ROBO1: variants seen among roughly 807,000 people sequenced by gnomAD.
The protein encoded by ROBO1 is roundabout homolog 1.
A neutral mutation model predicts 195.9 loss-of-function variants in ROBO1; 149 were observed. That is an observed-to-expected ratio of 0.76 (90% confidence interval 0.67 to 0.87). The LOEUF (loss-of-function observed/expected upper bound fraction) is 0.87, where lower values mean the gene tolerates loss of function less well. Among genes scored for constraint, ROBO1 ranks in the 40% least tolerant of loss-of-function variants. The pLI, the probability that ROBO1 is intolerant of heterozygous loss-of-function variation, is 0.00. For synonymous variants in ROBO1, 816 were observed against 733.2 expected, an observed-to-expected ratio of 1.11 and a Z score of -1.82; for missense variants, 1,933 against 2,068.3, an observed-to-expected ratio of 0.93 and a Z score of 1.27.
chr3:79,530,858 G>T lies in ROBO1; in HGVS notation c.88+58966C>A, dbSNP rs375362154. Among the ~76,000 whole-genome samples, 12 of 149,724 alleles carry T rather than the reference G, an allele frequency of 8.0e-5. No homozygotes were observed. In the East Asian group the frequency reaches 2.2e-3, roughly 27 times the overall value. On this transcript the variant is annotated intron_variant, in intron 2 of 30. Transcript: ENST00000464233. Reference sequence around the variant, plus strand: ...GAATAAAGATGGAAGTCCCTTAAATGACTTACTTATAAGACCCTGCATGAT... The same window carrying T: ...GAATAAAGATGGAAGTCCCTTAAATTACTTACTTATAAGACCCTGCATGAT...
chr3:79,735,266 G>A (rs6548651), intron 1 of ROBO1, among the ~76,000 whole-genome samples: 134,019 of 152,244 alleles, frequency 0.88, 59,066 homozygotes, highest in Middle Eastern at 0.93. Context: ...AGAGGGCAAT[G>A]ACTTCAGTAG....
intron 2 of ROBO1, among the ~76,000 whole-genome samples, chr3:79,329,148 A>G (rs1334169589): frequency 6.6e-6 from 1 of 152,104 alleles, no homozygotes; most frequent in Non-Finnish European, 1.5e-5. Context: ...GTCAAAAGCT[A>G]TTTTCTCATT....
chr3:78,681,807 C>A (rs2080919172), intron 10 of ROBO1, among the ~76,000 whole-genome samples: 1 of 152,126 alleles, frequency 6.6e-6, no homozygotes, highest in South Asian at 2.1e-4. Flanking sequence ...GAGGCTGAGG[C>A]AGGAGAATGG....
At position 78,671,605 on chromosome 3, in the gene ROBO1, A is replaced by G. The variant is rs372578271; in HGVS notation, c.1343-1304T>C. On this transcript the variant is annotated intron_variant, in intron 10 of 30. Coordinates refer to ENST00000464233, the MANE Select transcript of ROBO1 (RefSeq NM_002941.4). Reference sequence around the variant, plus strand: ...TTTGTGCATGCAAACTAAAAAAAAAAAAAGAAAAGATAAACAGGAAAGCAA... The same window carrying G: ...TTTGTGCATGCAAACTAAAAAAAAAGAAAGAAAAGATAAACAGGAAAGCAA... Among the ~76,000 whole-genome samples the G allele has an allele frequency of 9.9e-5, 15 of 152,136 alleles. No homozygotes were observed. The East Asian group carries it at 2.1e-3, about 22-fold the overall frequency.
intron 2 of ROBO1, among the ~76,000 whole-genome samples, chr3:79,231,323 A>G (rs1340125021): frequency 2.0e-5 from 3 of 152,306 alleles, no homozygotes; most frequent in Admixed American, 2.0e-4. Flanking sequence ...TGTACCTGAC[A>G]AAAGTCTAAT....
intron 3 of ROBO1, among the ~76,000 whole-genome samples, chr3:79,024,984 T>C (rs1373901563): frequency 6.6e-6 from 1 of 152,142 alleles, no homozygotes; most frequent in African/African-American, 2.4e-5. Flanking sequence ...TCCAGTGGTT[T>C]TCCTGTCTTA....
intron 2 of ROBO1, among the ~76,000 whole-genome samples, chr3:79,373,547 A>G (rs988740872): frequency 6.6e-6 from 1 of 152,194 alleles, no homozygotes; most frequent in Non-Finnish European, 1.5e-5. Flanking sequence ...ACACAGAAAA[A>G]CTGAAATTCT....
chr3:78,926,476 C>G (rs998817544), intron 4 of ROBO1, among the ~76,000 whole-genome samples: 2 of 151,968 alleles, frequency 1.3e-5, no homozygotes, highest in African/African-American at 2.4e-5. Context: ...GAAAGAAAGT[C>G]GGGAAGAATC....
At chr3:79,559,414 C>G (rs1942826081) in intron 2 of ROBO1, among the ~76,000 whole-genome samples, 1 of 151,914 alleles carries the variant, frequency 6.6e-6, no homozygotes, top group Non-Finnish European at 1.5e-5. Context: ...AGATAAAAAC[C>G]TACTATAGGG....
At chr3:79,070,336 AC>A (rs1404733344) in intron 3 of ROBO1, among the ~76,000 whole-genome samples, 10 of 151,882 alleles carry the variant, frequency 6.6e-5, no homozygotes, top group African/African-American at 2.2e-4. Flanking sequence ...CTAGTCCTTC[AC>A]TTTTCTTCTA....
At chr3:78,939,645 T>A (rs1305226611) in intron 3 of ROBO1, among the ~76,000 whole-genome samples, 1 of 147,766 alleles carries the variant, frequency 6.8e-6, no homozygotes, top group African/African-American at 2.6e-5. Context: ...GAAAAAAAAA[T>A]GCTATATACT....
At chr3:78,831,985 A>C (rs1164017946) in intron 4 of ROBO1, among the ~76,000 whole-genome samples, 1 of 143,612 alleles carries the variant, frequency 7.0e-6, no homozygotes, top group African/African-American at 2.5e-5. Flanking sequence ...TATGAGATTC[A>C]GGTTAGGACA....
intron 2 of ROBO1, among the ~76,000 whole-genome samples, chr3:79,450,603 C>T (rs552174450): frequency 7.0e-4 from 107 of 152,040 alleles, no homozygotes; most frequent in Middle Eastern, 3.5e-3. Flanking sequence ...ACTTTGATGG[C>T]TTATTTGACA....
intron 3 of ROBO1, among the ~76,000 whole-genome samples, chr3:79,118,420 A>G (rs188057082): frequency 6.6e-6 from 1 of 152,170 alleles, no homozygotes; most frequent in East Asian, 1.9e-4. Context: ...ATTTCCCTAA[A>G]ATTTCTTAAT....
intron 3 of ROBO1, among the ~76,000 whole-genome samples, chr3:78,967,441 C>T (rs2076672121): frequency 6.6e-6 from 1 of 151,716 alleles, no homozygotes; most frequent in South Asian, 2.1e-4. Context: ...TTCCCTCCTT[C>T]CAAAACCTTA....
intron 2 of ROBO1, among the ~76,000 whole-genome samples, chr3:79,257,326 A>G (rs2082852459): frequency 6.6e-6 from 1 of 152,192 alleles, no homozygotes; most frequent in Non-Finnish European, 1.5e-5. Flanking sequence ...AAATCACAAA[A>G]AGCCCTTCTC....
chr3:79,407,022 G>A (rs542233490), intron 2 of ROBO1, among the ~76,000 whole-genome samples: 10 of 152,118 alleles, frequency 6.6e-5, no homozygotes, highest in African/African-American at 2.4e-4. Flanking sequence ...GGATTCAAAC[G>A]ATTCTTCTGC....
At chr3:78,668,345 T>A in intron 12 of ROBO1, 43 bp from the exon 13 acceptor site, 1 of 1,608,240 alleles carries the variant, frequency 6.2e-7, no homozygotes, top group Non-Finnish European at 8.5e-7. Flanking sequence ...TGTTTACACA[T>A]ACACAGATAA....
At chr3:79,308,480 A>G (rs1466302096) in intron 2 of ROBO1, among the ~76,000 whole-genome samples, 2 of 152,178 alleles carry the variant, frequency 1.3e-5, no homozygotes, top group African/African-American at 4.8e-5. Flanking sequence ...TCATTCATTC[A>G]ACAAATTCTC....
Sources: allele counts gnomAD v4.1 joint callset (sites outside exome capture counted in the v4.1 genomes callset), GRCh38; gene constraint gnomAD v4.1.1; transcripts MANE v1.5; gene names NCBI Gene and HGNC (gene_info 2026-07-23, HGNC 2026-07-21).